ZC3H12B: variants seen among roughly 807,000 people sequenced by gnomAD.
The protein encoded by ZC3H12B is zinc finger CCCH-type containing 12B.
ZC3H12B carries 7 observed loss-of-function variants against 43.9 expected under a neutral mutation model. That is an observed-to-expected ratio of 0.16 (90% CI 0.09 to 0.30). The LOEUF (loss-of-function observed/expected upper bound fraction) is 0.30. Ranked by LOEUF, ZC3H12B falls within the 10% of genes least tolerant of loss-of-function variation. ZC3H12B has a pLI of 1.00. For missense variants in ZC3H12B, 475 were observed against 670.2 expected, an observed-to-expected ratio of 0.71 and a Z score of 3.22; for synonymous variants, 222 against 241.7, an observed-to-expected ratio of 0.92 and a Z score of 0.76.
At chrX:65,250,253 A>G in the ZC3H12B span, among the ~76,000 whole-genome samples, 1 of 111,606 alleles carries the variant, frequency 9.0e-6, no homozygotes, top group African/African-American at 3.3e-5. Context: ...ATGTCCCTAC[A>G]AAGGAAATGA....
chrX:65,473,002 A>G lies in ZC3H12B; in HGVS notation n.408-15644A>G, dbSNP rs866484289. ...TATATATATATATATATATATGTAT[A>G]TATATATATATATATCTGTTTGTTT... is the stretch of plus-strand genomic sequence containing the variant. On this transcript the variant is annotated intron_variant and non_coding_transcript_variant, in intron 3 of 5. Coordinates refer to the ZC3H12B transcript ENST00000617377. Among the ~76,000 whole-genome samples the G allele has an allele frequency of 7.9e-3, 727 of 91,885 alleles. 21 individuals are homozygous for G. Among genetic ancestry groups the G allele is most frequent in the African/African-American group, 0.029 (682 of 23,731 alleles). The allele number at this position is 91,885 out of a possible 115,157, so 79.8% of individuals were successfully genotyped here.
the ZC3H12B span, among the ~76,000 whole-genome samples, chrX:65,077,464 C>T: frequency 8.9e-6 from 1 of 112,190 alleles, no homozygotes; most frequent in Admixed American, 9.4e-5. Flanking sequence ...CTCCTGTGAG[C>T]TGTCAGTGTC....
At chrX:65,206,882 G>A in the ZC3H12B span, among the ~76,000 whole-genome samples, 1 of 110,866 alleles carries the variant, frequency 9.0e-6, no homozygotes, top group Non-Finnish European at 1.9e-5. Flanking sequence ...AGATATAGCA[G>A]TGGCCAACAA....
intron 2 of ZC3H12B, 133 bp downstream of exon 7, chrX:65,497,404 T>A: frequency 1.6e-6 from 1 of 613,592 alleles, no homozygotes; most frequent in Non-Finnish European, 2.3e-6. Flanking sequence ...TAAGCATATA[T>A]TTGAAAAAAG....
At chrX:65,187,784 G>T in the ZC3H12B span, among the ~76,000 whole-genome samples, 2 of 109,382 alleles carry the variant, frequency 1.8e-5, no homozygotes, top group Non-Finnish European at 3.8e-5. Flanking sequence ...GTGATCTCAA[G>T]CATTCATTCA....
exon 5 of ZC3H12B, chrX:65,503,930 G>A (rs972424076): frequency 3.6e-5 from 4 of 111,983 alleles, no homozygotes; most frequent in Non-Finnish European, 5.6e-5. Context: ...CAGAGTTTTC[G>A]TAGTCACATA....
chrX:65,056,066 G>GT, the ZC3H12B span, among the ~76,000 whole-genome samples: 3 of 111,617 alleles, frequency 2.7e-5, no homozygotes, highest in Non-Finnish European at 3.8e-5. Flanking sequence ...TTTTTTGAAG[G>GT]TTTTTTCTGT....
the ZC3H12B span, among the ~76,000 whole-genome samples, chrX:65,153,973 T>G: frequency 7.2e-5 from 8 of 110,606 alleles, no homozygotes; most frequent in African/African-American, 2.6e-4. Context: ...AGTAAACTAT[T>G]GCAAGGACAA....
chrX:65,164,770 G>T, the ZC3H12B span, among the ~76,000 whole-genome samples: 1 of 111,732 alleles, frequency 8.9e-6, no homozygotes, highest in Non-Finnish European at 1.9e-5. Flanking sequence ...TCTGGCTTAT[G>T]TACTCTGAAA....
chrX:65,422,573 C>T (rs2067031330), intron 3 of ZC3H12B, among the ~76,000 whole-genome samples: 2 of 110,301 alleles, frequency 1.8e-5, no homozygotes, highest in Non-Finnish European at 3.8e-5. Flanking sequence ...CTCTGGGATA[C>T]ATGTGCAGAA....
the ZC3H12B span, among the ~76,000 whole-genome samples, chrX:65,119,107 C>T: frequency 9.0e-6 from 1 of 111,313 alleles, no homozygotes; most frequent in African/African-American, 3.3e-5. Context: ...CTGCAGTAAA[C>T]ATACGTGTGC....
the ZC3H12B span, among the ~76,000 whole-genome samples, chrX:65,351,062 A>T: frequency 8.9e-6 from 1 of 111,995 alleles, no homozygotes; most frequent in Admixed American, 9.4e-5. Context: ...ATGCTACCTG[A>T]CTTCAAAATA....
At chrX:65,215,388 A>G in the ZC3H12B span, among the ~76,000 whole-genome samples, 1 of 111,533 alleles carries the variant, frequency 9.0e-6, no homozygotes, top group African/African-American at 3.3e-5. Flanking sequence ...GATCTGGGAA[A>G]CTTGCAGCTT....
the ZC3H12B span, among the ~76,000 whole-genome samples, chrX:65,324,901 A>C: frequency 3.6e-5 from 4 of 109,974 alleles, no homozygotes; most frequent in Non-Finnish European, 7.6e-5. Context: ...GTATTTAAGT[A>C]CCCTACTCTT....
At chrX:65,119,211 T>A in the ZC3H12B span, among the ~76,000 whole-genome samples, 3 of 111,702 alleles carry the variant, frequency 2.7e-5, no homozygotes, top group East Asian at 2.8e-4. Flanking sequence ...TCTAGATCCC[T>A]GAGGAATCGC....
intron 2 of ZC3H12B, among the ~76,000 whole-genome samples, chrX:65,374,089 ATATATATAACTATATATAGGT>A (rs1316496467): frequency 5.4e-5 from 3 of 55,567 alleles, no homozygotes; most frequent in African/African-American, 5.9e-4. Context: ...TATATATAGT[ATATATATAACTATATATAGGT>A]TATATATAAC....
At chrX:65,399,927 C>A (rs1180612109) in intron 3 of ZC3H12B, among the ~76,000 whole-genome samples, 1 of 110,935 alleles carries the variant, frequency 9.0e-6, no homozygotes, top group Non-Finnish European at 1.9e-5. Flanking sequence ...ATAAGCCAGG[C>A]AGAAAGACAA....
chrX:65,162,992 A>C, the ZC3H12B span, among the ~76,000 whole-genome samples: 1 of 112,106 alleles, frequency 8.9e-6, no homozygotes, highest in East Asian at 2.8e-4. Flanking sequence ...AACAGACAAG[A>C]CCTTCAGCTG....
chrX:65,132,685 G>A, the ZC3H12B span, among the ~76,000 whole-genome samples: 1 of 111,513 alleles, frequency 9.0e-6, no homozygotes, highest in African/African-American at 3.3e-5. Flanking sequence ...TGTTGTCCAA[G>A]TTCGCATCAG....
Sources: gnomAD v4.1 joint callset for allele counts (sites outside exome capture counted in the v4.1 genomes callset) on GRCh38, gnomAD v4.1.1 for gene constraint, MANE v1.5 for transcripts, NCBI Gene and HGNC (gene_info 2026-07-23, HGNC 2026-07-21) for gene names.